The following TYK2 variants were observed in gnomAD, a reference collection of about 807,000 sequenced individuals.
The protein encoded by TYK2 is tyrosine kinase 2.
TYK2 carries 65 observed loss-of-function variants against 130.9 expected under a neutral mutation model. The observed-to-expected ratio is 0.50, with a 90% CI of 0.41 to 0.61. TYK2 has a LOEUF of 0.61. Ranked by LOEUF, TYK2 falls within the 20% of genes least tolerant of loss-of-function variation. The pLI, the probability that TYK2 is intolerant of heterozygous loss-of-function variation, is 0.00. For missense variants in TYK2, 1,378 were observed against 1,610.7 expected, an observed-to-expected ratio of 0.86 and a Z score of 2.47; for synonymous variants, 647 against 658.9, an observed-to-expected ratio of 0.98 and a Z score of 0.28.
At chr19:10,359,370 G>A in intron 14 of TYK2, 68 bp from the exon 15 acceptor site, 1 of 1,574,926 alleles carries the variant, frequency 6.3e-7, no homozygotes, top group Non-Finnish European at 8.6e-7. Context: ...GGAATTGGGG[G>A]AGACGCCAGG....
intron 2 of TYK2, 63 bp from the exon 3 acceptor site, chr19:10,378,489 A>G (rs2042251038): frequency 7.3e-7 from 1 of 1,371,346 alleles, no homozygotes; most frequent in Non-Finnish European, 1.0e-6. Flanking sequence ...TAGCTCTTCA[A>G]CCTTCCACCC....
chr19:10,372,458 CTATA>C (rs569826524), intron 3 of TYK2, among the ~76,000 whole-genome samples: 772 of 45,860 alleles, frequency 0.017, 25 homozygotes, highest in Non-Finnish European at 0.019. Flanking sequence ...CCACACACAG[CTATA>C]TATATATATA....
intron 16 of TYK2, 37 bp downstream of exon 16, chr19:10,357,966 A>G: frequency 6.2e-7 from 1 of 1,613,410 alleles, no homozygotes; most frequent in South Asian, 1.1e-5. Context: ...GAGCAGGGGA[A>G]GCCCCCCACT....
At position 10,365,280 on chromosome 19, in the gene TYK2, G is replaced by A. The variant is rs1365893398; in HGVS notation, c.1012-232C>T. Among the ~76,000 whole-genome samples, 12 of 152,134 alleles carry A rather than the reference G, an allele frequency of 7.9e-5. 1 individual carries two copies. Among genetic ancestry groups the A allele is most frequent in the Admixed American group, 7.9e-4 (12 of 15,268 alleles). ...AGAATCCTGACCCCCTCACACCCAG[G>A]TGCCAGTCCCCAGATGAAGGGGTTC... On this transcript the variant is annotated intron_variant, in intron 7 of 24. Transcript: ENST00000525621.
intron 17 of TYK2, 96 bp from the exon 18 acceptor site, chr19:10,356,814 G>T: frequency 1.5e-6 from 2 of 1,322,070 alleles, no homozygotes; most frequent in Non-Finnish European, 1.1e-6. Context: ...GGACCGCCAG[G>T]TGCCCGCTCT....
At position 10,368,371 on chromosome 19, in the gene TYK2, C is replaced by A. The variant is rs752941433; in HGVS notation, c.241G>T (p.Ala81Ser). 3 of 1,614,004 alleles carry A rather than the reference C, an allele frequency of 1.9e-6. No homozygotes were observed. The highest frequency in any genetic ancestry group is 2.2e-5 in the South Asian group (2 of 91,094). The change falls in exon 4 of 25, where the codon GCC becomes TCC. Residue 81 changes from alanine (A) to serine (S), a missense_variant. Transcript: ENST00000525621. ...FNLFALFDAQ[A>S]QVWLPPNHIL... is the part of the protein sequence containing the mutation. ...TGGTTTGGGGGCAACCAGACTTGGG[C>A]CTGAGCATCGAAGAGGGCAAAGAGA... is the stretch of plus-strand genomic sequence containing the variant.
intron 16 of TYK2, 31 bp downstream of exon 16, chr19:10,357,972 C>A: frequency 1.2e-6 from 2 of 1,613,470 alleles, no homozygotes; most frequent in Non-Finnish European, 1.7e-6. Context: ...GGGAAGCCCC[C>A]CACTGTGCCC....
In TYK2 at chr19:10,354,501, C is replaced by G. The variant is rs1249419886; in HGVS notation, c.2715+11G>C. On this transcript the variant is annotated intron_variant, in intron 19 of 24. Transcript: ENST00000525621. The stretch of plus-strand genomic sequence containing the variant: ...AGGCGGGCCTTTTAGCAGCTCAGGC[C>G]CGTCCCTCACCTCGCCCAGATCTCG... 9.3e-6 allele frequency: 15 copies of G among 1,613,494 alleles called. No individual in the cohort carries two copies. The highest frequency in any genetic ancestry group is 1.2e-5 in the Non-Finnish European group (14 of 1,179,610).
At chr19:10,377,283 C>T (rs561143254) in intron 3 of TYK2, among the ~76,000 whole-genome samples, 1 of 151,436 alleles carries the variant, frequency 6.6e-6, no homozygotes, top group African/African-American at 2.4e-5. Flanking sequence ...TTTGCAGCTG[C>T]CACACAGTAG....
At position 10,350,660 on chromosome 19, in the gene TYK2, C is replaced by T. The variant is rs534835524; in HGVS notation, c.*174G>A. On this transcript the variant is annotated 3_prime_UTR_variant, in exon 25 of 25. Transcript: ENST00000525621. ...TCCCTCAAGATCATGGTTAGGCTCA[C>T]GGCCAAGAAAGAAAAATAAGTTCAC... The T allele has an allele frequency of 2.0e-4, 147 of 732,738 alleles. 1 individual carries two copies. The East Asian group carries it at 2.1e-3, about 11-fold the overall frequency. The allele number at this position is 732,738 out of a possible 1,614,324, so 45.4% of individuals were successfully genotyped here.
In TYK2 at chr19:10,361,024, G is replaced by A. The variant is rs1247725657; in HGVS notation, c.2047+487C>T. The A allele has an allele frequency of 2.4e-6, 1 of 412,958 alleles. No homozygotes were observed. Among genetic ancestry groups the A allele is most frequent in the East Asian group, 7.2e-5 (1 of 13,896 alleles). 25.6% of individuals were successfully genotyped at this position (412,958 alleles called of 1,614,324 possible). On this transcript the variant is annotated intron_variant, in intron 14 of 24. Coordinates refer to ENST00000525621, the MANE Select transcript of TYK2 (RefSeq NM_003331.5). The surrounding 1 kb of genome is among the most constrained non-coding windows in gnomAD (Gnocchi z 4.0). ...CCCACCTCTGCCTCCCAAAGTGCTGGGATAGGTGTGAGCCACCACACCTAG... is the reference window on the plus strand; with the variant it reads ...CCCACCTCTGCCTCCCAAAGTGCTGAGATAGGTGTGAGCCACCACACCTAG...
chr19:10,365,442 T>A (rs2041612792), intron 7 of TYK2, 75 bp downstream of exon 7: 1 of 1,600,498 alleles, frequency 6.2e-7, no homozygotes, highest in African/African-American at 1.3e-5. Context: ...CCTCAGAGGC[T>A]AGGGTCAAGG....
At chr19:10,359,738 G>C (rs983230786) in intron 14 of TYK2, among the ~76,000 whole-genome samples, 1 of 152,106 alleles carries the variant, frequency 6.6e-6, no homozygotes, top group African/African-American at 2.4e-5. Flanking sequence ...CCAGCACTTT[G>C]GGAGGCTGAG....
chr19:10,378,475 C>T, intron 2 of TYK2, 49 bp from the exon 3 acceptor site: 3 of 1,492,738 alleles, frequency 2.0e-6, no homozygotes, highest in Non-Finnish European at 2.7e-6. Context: ...CCAGAGACCC[C>T]TGTTAGCTCT....
At chr19:10,356,903 T>C in intron 17 of TYK2, 185 bp from the exon 18 acceptor site, 2 of 652,370 alleles carry the variant, frequency 3.1e-6, no homozygotes, top group South Asian at 1.8e-5. Context: ...GAACCAGGAC[T>C]GGGACCCAGG....
Position 10,353,651 on chromosome 19 carries a change from C to A in TYK2, c.2909-5G>T, listed in dbSNP as rs747077516. 6 of 1,469,136 alleles carry A rather than the reference C, an allele frequency of 4.1e-6. No individual in the cohort carries two copies. The East Asian group carries it at 9.6e-5, about 23-fold the overall frequency. 91.0% of individuals were successfully genotyped at this position (1,469,136 alleles called of 1,614,324 possible). A position where few individuals can be genotyped will look rare whatever the true frequency, so the allele number is the denominator to read the frequency against. On this transcript the variant is annotated splice_region_variant and splice_polypyrimidine_tract_variant and intron_variant, in intron 20 of 24. Coordinates refer to ENST00000525621, the MANE Select transcript of TYK2 (RefSeq NM_003331.5). The surrounding 1 kb of genome is among the most constrained non-coding windows in gnomAD (Gnocchi z 6.9). The stretch of plus-strand genomic sequence containing the variant: ...CCAGCTGCAGCGACTTCTCGCCTGC[C>A]GCGGAGAGGGGCGGCCCCGGTGGGG...
intron 14 of TYK2, among the ~76,000 whole-genome samples, chr19:10,359,750 C>T (rs911988124): frequency 2.6e-5 from 4 of 152,098 alleles, no homozygotes; most frequent in Admixed American, 1.3e-4. Flanking sequence ...GAGGCTGAGG[C>T]GGGCGGATCA....
At chr19:10,378,822 C>T (rs1430911492) in intron 2 of TYK2, among the ~76,000 whole-genome samples, 1 of 146,572 alleles carries the variant, frequency 6.8e-6, no homozygotes, top group African/African-American at 2.5e-5. Flanking sequence ...TTCTACAAGA[C>T]GTTTTATTTT....
chr19:10,357,687 T>C (rs2041168555), intron 17 of TYK2, 77 bp downstream of exon 17: 1 of 1,541,600 alleles, frequency 6.5e-7, no homozygotes. Context: ...GATGCAGCTT[T>C]GAGCTCTGAT....
Sources: gnomAD v4.1 joint callset for allele counts (sites outside exome capture counted in the v4.1 genomes callset) on GRCh38, gnomAD v4.1.1 for gene constraint, Gnocchi (gnomAD v3.1) non-coding constraint, MANE v1.5 for transcripts, NCBI Gene and HGNC (gene_info 2026-07-23, HGNC 2026-07-21) for gene names.